NUDT13: variants seen among roughly 807,000 people sequenced by gnomAD.
The protein encoded by NUDT13 is nudix hydrolase 13.
Under a neutral mutation model 41.7 loss-of-function variants are expected in NUDT13, and 40 were observed. The ratio of observed to expected loss-of-function variants is 0.96; its 90% CI spans 0.75 to 1.25. The LOEUF is 1.25. Among genes scored for constraint, NUDT13 ranks in the 50% most tolerant of loss-of-function variants. NUDT13 has a pLI of 0.00. For synonymous variants in NUDT13, 145 were observed against 155.5 expected (o/e 0.93, Z 0.50); for missense variants, 390 against 416.1 (o/e 0.94, Z 0.55).
At position 73,125,477 on chromosome 10, in the gene NUDT13, T is replaced by A; in HGVS notation, c.671T>A (p.Met224Lys). 1 of 1,609,480 alleles carries A rather than the reference T, an allele frequency of 6.2e-7. No homozygotes were observed. Among genetic ancestry groups the A allele is most frequent in the Non-Finnish European group, 8.5e-7 (1 of 1,178,174 alleles). Residue 224 changes from methionine (M) to lysine (K), a missense_variant, in exon 7 of 9, where the codon ATG becomes AAG. By Grantham distance (95) the Met-to-Lys change is moderately conservative. Transcript: ENST00000357321. Reference sequence around the variant, plus strand: ...CGCCAAAGCTCCTTTCCCAAGGGAATGTATTCTGCCTTGGCAGGTTTTTGT... The same window carrying A: ...CGCCAAAGCTCCTTTCCCAAGGGAAAGTATTCTGCCTTGGCAGGTTTTTGT... The part of the protein sequence containing the change: ...LARQSSFPKG[M>K]YSALAGFCDI...
chr10:73,117,523 C>T (rs1398629897), intron 2 of NUDT13, among the ~76,000 whole-genome samples: 1 of 147,278 alleles, frequency 6.8e-6, no homozygotes, highest in Admixed American at 6.8e-5. Context: ...TGCCACTGCA[C>T]TCCAGCCTGG....
At chr10:73,118,834 T>C (rs1842574197) in intron 2 of NUDT13, among the ~76,000 whole-genome samples, 1 of 151,518 alleles carries the variant, frequency 6.6e-6, no homozygotes, top group Non-Finnish European at 1.5e-5. Flanking sequence ...TAGCTGGGCA[T>C]GGTGGGGCAT....
chr10:73,123,497 T>A (rs1472452955), intron 4 of NUDT13, among the ~76,000 whole-genome samples: 1 of 152,152 alleles, frequency 6.6e-6, no homozygotes, highest in Non-Finnish European at 1.5e-5. Context: ...CCGAAGAAGA[T>A]CTTGAGAAAT....
chr10:73,125,299 T>TG, intron 6 of NUDT13, 56 bp downstream of exon 6: 1 of 1,603,552 alleles, frequency 6.2e-7, no homozygotes, highest in South Asian at 1.1e-5. Flanking sequence ...TGCTTTGTCC[T>TG]GGGGAAGGAA....
intron 7 of NUDT13, 82 bp downstream of exon 7, chr10:73,125,591 G>C (rs113672057): frequency 9.1e-6 from 8 of 874,954 alleles, no homozygotes; most frequent in African/African-American, 5.2e-5. Flanking sequence ...TGTTGCTATA[G>C]AGCTTGAATT....
At chr10:73,120,511 CAG>C (rs1177927839) in intron 3 of NUDT13, among the ~76,000 whole-genome samples, 1 of 152,048 alleles carries the variant, frequency 6.6e-6, no homozygotes, top group Admixed American at 6.6e-5. Flanking sequence ...CACTACAATG[CAG>C]AGTTGTGACA....
chr10:73,112,556 A>G (rs1175945209), intron 1 of NUDT13, among the ~76,000 whole-genome samples: 3 of 151,904 alleles, frequency 2.0e-5, no homozygotes, highest in African/African-American at 7.2e-5. Flanking sequence ...TATAGTTTAC[A>G]ATGTGATGTT....
intron 2 of NUDT13, among the ~76,000 whole-genome samples, chr10:73,115,572 G>T (rs1842487777): frequency 6.6e-6 from 1 of 152,048 alleles, no homozygotes. Flanking sequence ...TTCCACTGTG[G>T]TACCCCTACT....
intron 1 of NUDT13, among the ~76,000 whole-genome samples, chr10:73,113,059 G>A (rs1003605366): frequency 1.3e-5 from 2 of 152,010 alleles, no homozygotes; most frequent in African/African-American, 4.8e-5. Flanking sequence ...AGCTAATTTT[G>A]TATTTTTAGT....
At position 73,126,834 on chromosome 10, in the gene NUDT13, T is replaced by C. The variant is rs1842797757; in HGVS notation, c.858+7T>C. 6.2e-7 allele frequency: 1 copy of C among 1,613,108 alleles called. No homozygotes were observed. The highest frequency in any genetic ancestry group is 1.3e-5 in the African/African-American group (1 of 74,892). ...GAAACCAGGGCAGACAGAAGTAAGT[T>C]CTCATCTTCCCTTATACTGTGATAT... On this transcript the variant is annotated splice_region_variant and intron_variant, in intron 8 of 8. Transcript: ENST00000357321.
intron 2 of NUDT13, among the ~76,000 whole-genome samples, chr10:73,115,985 C>T (rs1839057481): frequency 6.6e-6 from 1 of 151,182 alleles, no homozygotes; most frequent in Non-Finnish European, 1.5e-5. Flanking sequence ...TTCTAGAACC[C>T]TTAACCTAAG....
chr10:73,126,597 C>A, intron 7 of NUDT13, 76 bp from the exon 8 acceptor site: 1 of 1,515,672 alleles, frequency 6.6e-7, no homozygotes, highest in Non-Finnish European at 8.9e-7. Context: ...CAGTGTTGTG[C>A]ACCTTTCTCA....
chr10:73,130,093 C>T (rs1842880172), intron 8 of NUDT13: 1 of 151,568 alleles, frequency 6.6e-6, no homozygotes, highest in Non-Finnish European at 1.5e-5. Context: ...ATGTTAACCA[C>T]TCTTAACATT....
chr10:73,128,511 A>G (rs891151935), intron 8 of NUDT13, among the ~76,000 whole-genome samples: 5 of 152,234 alleles, frequency 3.3e-5, no homozygotes, highest in African/African-American at 1.2e-4. Flanking sequence ...ACCTTTTCAC[A>G]TACCTGTTGG....
intron 5 of NUDT13, chr10:73,124,809 T>G (rs553129800): frequency 4.1e-6 from 1 of 245,602 alleles, no homozygotes; most frequent in Admixed American, 5.0e-5. Flanking sequence ...TCAACTGTAC[T>G]GGGAATGTTT....
chr10:73,125,055 T>G, intron 5 of NUDT13, 63 bp from the exon 6 acceptor site: 3 of 1,538,474 alleles, frequency 1.9e-6, no homozygotes, highest in Middle Eastern at 2.4e-4. Context: ...CTAGGCCCAG[T>G]GCTGTTAAAG....
At chr10:73,116,871 C>A (rs572688773) in intron 2 of NUDT13, among the ~76,000 whole-genome samples, 1 of 135,552 alleles carries the variant, frequency 7.4e-6, no homozygotes, top group Non-Finnish European at 1.5e-5. Context: ...TAACAGACTA[C>A]AAGAATTTTT....
rs184509649 is a variant in NUDT13, at chr10:73,129,258, C to T, written c.859-1445C>T. 6.5e-3 allele frequency among the ~76,000 whole-genome samples: 956 copies of T among 145,972 alleles called. 5 individuals are homozygous for T. The highest frequency in any genetic ancestry group is 0.011 in the Non-Finnish European group (760 of 67,284). On this transcript the variant is annotated intron_variant, in intron 8 of 8. Coordinates refer to ENST00000357321, the MANE Select transcript of NUDT13 (RefSeq NM_015901.6). ...CACAATCTCAGCTCACTGCAACCTT[C>T]GCCTCCCAGGTTCAAGCAATTCTCC...
chr10:73,124,274 A>G lies in NUDT13; in HGVS notation c.419A>G (p.Lys140Arg). The change falls in exon 5 of 9, where the codon AAG becomes AGG. Residue 140 changes from lysine (K) to arginine (R), a missense_variant. Transcript: ENST00000357321. ...AAGGGGTCTTTCATTGAGCTGAGAAAGGCACTCTTTCAACTCAATGCAAGG... is the reference window on the plus strand; with the variant it reads ...AAGGGGTCTTTCATTGAGCTGAGAAGGGCACTCTTTCAACTCAATGCAAGG... ...ELKGSFIELRKALFQLNARDA... is the reference protein window; with the variant it reads ...ELKGSFIELRRALFQLNARDA... 6.2e-7 allele frequency: 1 copy of G among 1,613,612 alleles called. No homozygotes were observed. The highest frequency in any genetic ancestry group is 8.5e-7 in the Non-Finnish European group (1 of 1,179,924).
Sources: allele counts gnomAD v4.1 joint callset (sites outside exome capture counted in the v4.1 genomes callset), GRCh38; gene constraint gnomAD v4.1.1; transcripts MANE v1.5; gene names NCBI Gene and HGNC (gene_info 2026-07-23, HGNC 2026-07-21).